The following HPSE2 variants were observed in gnomAD, a reference collection of about 807,000 sequenced individuals.
The protein encoded by HPSE2 is heparanase 2 (inactive), also known as inactive heparanase-2.
A neutral mutation model predicts 60.5 loss-of-function variants in HPSE2; 38 were observed. The ratio of observed to expected loss-of-function variants is 0.63; its 90% confidence interval spans 0.48 to 0.82. The LOEUF (loss-of-function observed/expected upper bound fraction) is 0.82. Among genes scored for constraint, HPSE2 ranks in the 40% least tolerant of loss-of-function variants. The pLI, the probability that HPSE2 is intolerant of heterozygous loss-of-function variation, is 0.00. For missense variants in HPSE2, 713 were observed against 740.4 expected, an observed-to-expected ratio of 0.96 and a Z score of 0.43; for synonymous variants, 295 against 293.2, an observed-to-expected ratio of 1.01 and a Z score of -0.06.
intron 9 of HPSE2, among the ~76,000 whole-genome samples, chr10:98,590,845 A>T (rs1945070924): frequency 6.6e-6 from 1 of 152,204 alleles, no homozygotes; most frequent in South Asian, 2.1e-4. Context: ...GAGTCACTTA[A>T]TTCCTTTGTG....
At chr10:98,577,969 T>G (rs1944688094) in intron 9 of HPSE2, among the ~76,000 whole-genome samples, 1 of 152,232 alleles carries the variant, frequency 6.6e-6, no homozygotes, top group Non-Finnish European at 1.5e-5. Flanking sequence ...GGAAAACTTT[T>G]ATCCTTGATG....
chr10:99,180,127 C>G (rs1847700390), intron 2 of HPSE2, among the ~76,000 whole-genome samples: 1 of 152,116 alleles, frequency 6.6e-6, no homozygotes, highest in Non-Finnish European at 1.5e-5. Context: ...GGATTAAAGA[C>G]TCAAATGTAA....
intron 3 of HPSE2, among the ~76,000 whole-genome samples, chr10:98,822,736 T>C (rs537086630): frequency 6.6e-6 from 1 of 152,310 alleles, no homozygotes; most frequent in South Asian, 2.1e-4. Flanking sequence ...GATAACGCTA[T>C]GCAAACACTA....
At position 98,468,873 on chromosome 10, in the gene HPSE2, C is replaced by T. The variant is rs113074084; in HGVS notation, c.1614-9134G>A. ...ACAGCCCATACCCTATTTGGAGTTCCTTGTCCCTAAGACATTTTGAGGCTG... is the reference window on the plus strand; with the variant it reads ...ACAGCCCATACCCTATTTGGAGTTCTTTGTCCCTAAGACATTTTGAGGCTG... On this transcript the variant is annotated intron_variant, in intron 11 of 11. Coordinates refer to ENST00000370552, the MANE Select transcript of HPSE2 (RefSeq NM_021828.5). Among the ~76,000 whole-genome samples, 1,339 of 152,244 alleles carry T rather than the reference C, an allele frequency of 8.8e-3. 22 individuals carry two copies. Among genetic ancestry groups the T allele is most frequent in the African/African-American group, 0.03 (1,260 of 41,550 alleles).
intron 3 of HPSE2, among the ~76,000 whole-genome samples, chr10:98,995,826 C>T (rs1423764994): frequency 3.9e-5 from 6 of 151,918 alleles, no homozygotes; most frequent in East Asian, 1.9e-4. Context: ...AGACACTTTA[C>T]AAAAGAAAAA....
Position 99,235,838 on chromosome 10 carries a change from G to A in HPSE2, c.-36C>T, listed in dbSNP as rs748035776. On this transcript the variant is annotated 5_prime_UTR_variant, in exon 1 of 12. Transcript: ENST00000370552. ...TGATTTAAACCTCTCTTCCTACTGGGTCTCGCTAGTGACTAATTGTCCTTA... is the reference window on the plus strand; with the variant it reads ...TGATTTAAACCTCTCTTCCTACTGGATCTCGCTAGTGACTAATTGTCCTTA... The A allele has an allele frequency of 3.2e-6, 5 of 1,578,796 alleles. No homozygotes were observed. The South Asian group carries it at 4.4e-5, about 14-fold the overall frequency.
intron 9 of HPSE2, among the ~76,000 whole-genome samples, chr10:98,518,816 G>A (rs1296281534): frequency 6.6e-6 from 1 of 152,064 alleles, no homozygotes; most frequent in Non-Finnish European, 1.5e-5. Context: ...GTGAGTAGTA[G>A]ACACTGTGAA....
At chr10:98,567,055 A>G (rs1944367714) in intron 9 of HPSE2, among the ~76,000 whole-genome samples, 2 of 152,320 alleles carry the variant, frequency 1.3e-5, no homozygotes, top group African/African-American at 2.4e-5. Flanking sequence ...GTGCACAGAT[A>G]TCTCTTGGGG....
intron 7 of HPSE2, among the ~76,000 whole-genome samples, chr10:98,636,320 A>G (rs1589546500): frequency 6.6e-6 from 1 of 151,682 alleles, no homozygotes; most frequent in African/African-American, 2.4e-5. Flanking sequence ...GCTCACTGCA[A>G]CCTCCGCCTC....
intron 3 of HPSE2, among the ~76,000 whole-genome samples, chr10:99,055,665 C>T (rs1486567768): frequency 6.6e-6 from 1 of 152,072 alleles, no homozygotes; most frequent in Admixed American, 6.5e-5. Flanking sequence ...ATCAATAATA[C>T]TGAGATATCT....
chr10:99,289,388 T>C, the HPSE2 span, among the ~76,000 whole-genome samples: 3 of 152,086 alleles, frequency 2.0e-5, no homozygotes, highest in Non-Finnish European at 4.4e-5. Flanking sequence ...TTCGTTTGGT[T>C]GTAGTAAATG....
chr10:98,515,858 A>T (rs920824824), intron 9 of HPSE2, among the ~76,000 whole-genome samples: 3 of 152,198 alleles, frequency 2.0e-5, no homozygotes, highest in African/African-American at 7.2e-5. Flanking sequence ...CCTTTTCTAC[A>T]GCACTACAAG....
intron 9 of HPSE2, among the ~76,000 whole-genome samples, chr10:98,500,084 A>G (rs909103977): frequency 2.0e-5 from 3 of 152,224 alleles, no homozygotes; most frequent in African/African-American, 7.2e-5. Flanking sequence ...GGGGACTTCA[A>G]TACTCCACTG....
At chr10:98,942,054 C>T (rs1955023166) in intron 3 of HPSE2, among the ~76,000 whole-genome samples, 1 of 143,230 alleles carries the variant, frequency 7.0e-6, no homozygotes, top group African/African-American at 2.9e-5. Flanking sequence ...TGGATCCCAT[C>T]CTTACACCTT....
chr10:98,633,657 G>A (rs1946423261), intron 7 of HPSE2, among the ~76,000 whole-genome samples: 1 of 152,112 alleles, frequency 6.6e-6, no homozygotes, highest in African/African-American at 2.4e-5. Context: ...TATCAGTAAG[G>A]CTTCTGGTCA....
intron 2 of HPSE2, among the ~76,000 whole-genome samples, chr10:99,190,170 TTA>T (rs1451074573): frequency 3.3e-5 from 5 of 152,306 alleles, no homozygotes; most frequent in African/African-American, 1.2e-4. Context: ...TGCTAATACT[TTA>T]CATATATAAT....
chr10:98,521,419 C>G (rs1244179519), intron 9 of HPSE2, among the ~76,000 whole-genome samples: 1 of 152,186 alleles, frequency 6.6e-6, no homozygotes, highest in Admixed American at 6.5e-5. Flanking sequence ...AAATGCAACT[C>G]AAAACCACAA....
At chr10:98,842,048 C>T (rs1224749550) in intron 3 of HPSE2, among the ~76,000 whole-genome samples, 6 of 152,248 alleles carry the variant, frequency 3.9e-5, no homozygotes, top group African/African-American at 7.2e-5. Context: ...CCTCGTGATC[C>T]GCCTGCCTCA....
intron 3 of HPSE2, among the ~76,000 whole-genome samples, chr10:98,762,933 T>C (rs1442554418): frequency 6.6e-6 from 1 of 152,148 alleles, no homozygotes; most frequent in East Asian, 1.9e-4. Flanking sequence ...AAGCAGCCAG[T>C]ATAGCCATCA....
Sources: allele counts gnomAD v4.1 joint callset (sites outside exome capture counted in the v4.1 genomes callset), GRCh38; gene constraint gnomAD v4.1.1; transcripts MANE v1.5; gene names NCBI Gene and HGNC (gene_info 2026-07-23, HGNC 2026-07-21).